Variants in JUN observed in about 807,000 individuals in gnomAD.
JUN encodes the protein transcription factor Jun.
A neutral mutation model predicts 19.7 loss-of-function variants in JUN; 7 were observed. The observed-to-expected ratio is 0.36, with a 90% CI of 0.20 to 0.67. JUN has a LOEUF of 0.67. JUN is among the 30% of genes least tolerant of loss of function. The pLI is 0.64. For synonymous variants in JUN, 246 were observed against 206.9 expected (o/e 1.19, Z -1.62); for missense variants, 373 against 451.0 (o/e 0.83, Z 1.57).
rs1264377564 is a variant in JUN, at chr1:58,780,988, GCACATGC to G, written c.*1080_*1086del. ...TCTACTAACATTATAAATGGTCACA[GCACATGC>G]CACTTGATACAATCCAAACTTTGAA... On this transcript the variant is annotated 3_prime_UTR_variant, in exon 1 of 1. Coordinates refer to ENST00000371222, the MANE Select transcript of JUN (RefSeq NM_002228.4). 1 of 232,972 alleles carries G rather than the reference GCACATGC, an allele frequency of 4.3e-6. No homozygotes were observed. Among genetic ancestry groups the G allele is most frequent in the Non-Finnish European group, 8.5e-6 (1 of 117,972 alleles). 14.4% of individuals were successfully genotyped at this position (232,972 alleles called of 1,614,324 possible). A position where few individuals can be genotyped will look rare whatever the true frequency, so the allele number is the denominator to read the frequency against.
chr1:58,781,047 C>G lies in JUN; in HGVS notation c.*1028G>C, dbSNP rs1355731687. 1 of 233,076 alleles carries G rather than the reference C, an allele frequency of 4.3e-6. No homozygotes were observed. Among genetic ancestry groups the G allele is most frequent in the Non-Finnish European group, 8.5e-6 (1 of 118,026 alleles). The allele number at this position is 233,076 out of a possible 1,614,324, so 14.4% of individuals were successfully genotyped here. On this transcript the variant is annotated 3_prime_UTR_variant, in exon 1 of 1. Coordinates refer to ENST00000371222, the MANE Select transcript of JUN (RefSeq NM_002228.4). ...TGTTTGACTTCTCAGTGGGCTGTCC[C>G]TCTCCACTGCAACCCCCCTTCCTCC...
rs779848109 is a variant in JUN, at chr1:58,783,018, A to G, written c.53T>C (p.Phe18Ser). 6 of 1,613,976 alleles carry G rather than the reference A, an allele frequency of 3.7e-6. No individual in the cohort carries two copies. The highest frequency in any genetic ancestry group is 1.3e-5 in the African/African-American group (1 of 74,886). The change falls in exon 1 of 1, where the codon TTC becomes TCC. Residue 18 changes from phenylalanine to serine, a missense_variant. Phe to Ser is a radical substitution (Grantham distance 155). Around this residue, in one of 4 missense-constraint regions of JUN, gnomAD observed 113 missense variants for 136.9 expected, o/e 0.83. Transcript: ENST00000371222. ...ATAAGGTCCGCTCTCGGACGGGAGG[A>G]ACGAGGCGTTGAGGGCATCGTCATA... ...TFYDDALNAS[F>S]LPSESGPYGY...
rs1258193972 is a variant in JUN at position 58,782,306 on chromosome 1, C to T, written c.765G>A (p.Ala255=). ...TGCGGTTCCTCATGCGCTTCCTCTC[C>T]GCCTTGATCCGCTCCTGGGACTCCA... is the stretch of plus-strand genomic sequence containing the variant. ...IDMESQERIK[A]ERKRMRNRIA... Residue 255 remains alanine, a synonymous_variant, in exon 1 of 1, where the codon GCG becomes GCA. Transcript: ENST00000371222. The surrounding 1 kb of genome is among the most constrained non-coding windows in gnomAD (Gnocchi z 8.7). 3 of 1,614,152 alleles carry T rather than the reference C, an allele frequency of 1.9e-6. No homozygotes were observed. Among genetic ancestry groups the T allele is most frequent in the Non-Finnish European group, 1.7e-6 (2 of 1,180,050 alleles).
rs1645570172 is a variant in JUN at position 58,780,944 on chromosome 1, A to G, written c.*1131T>C. On this transcript the variant is annotated 3_prime_UTR_variant, in exon 1 of 1. Coordinates refer to ENST00000371222, the MANE Select transcript of JUN (RefSeq NM_002228.4). ...TGCCACCAATTCCTGCTTTGAGAATAAGCACCTATTGTAAAATTTCTACTA... is the reference window on the plus strand; with the variant it reads ...TGCCACCAATTCCTGCTTTGAGAATGAGCACCTATTGTAAAATTTCTACTA... The G allele has an allele frequency of 4.3e-6, 1 of 233,086 alleles. No homozygotes were observed. Among genetic ancestry groups the G allele is most frequent in the South Asian group, 1.8e-4 (1 of 5,534 alleles). The allele number at this position is 233,086 out of a possible 1,614,324, so 14.4% of individuals were successfully genotyped here. A position where few individuals can be genotyped will look rare whatever the true frequency, so the allele number is the denominator to read the frequency against.
At position 58,782,449 on chromosome 1, in the gene JUN, G is replaced by C. The variant is rs774939641; in HGVS notation, c.622C>G (p.Pro208Ala). 8.1e-6 allele frequency: 13 copies of C among 1,598,216 alleles called. No homozygotes were observed. Among genetic ancestry groups the C allele is most frequent in the Admixed American group, 1.7e-5 (1 of 58,232 alleles). Residue 208 changes from proline (P) to alanine (A), a missense_variant, in exon 1 of 1, where the codon CCG becomes GCG. By Grantham distance (27) the Pro-to-Ala change is conservative. Around this residue, in one of 4 missense-constraint regions of JUN, gnomAD observed 173 missense variants for 154.5 expected, o/e 1.12. Coordinates refer to ENST00000371222, the MANE Select transcript of JUN (RefSeq NM_002228.4). The surrounding 1 kb of genome is among the most constrained non-coding windows in gnomAD (Gnocchi z 8.7). ...GGCATCTGCTGGGGCAGGTGGTGCG[G>C]CGGCTGCTGCTGCTGCTGGGGTTGC... ...PAQPQQQQQP[P>A]HHLPQQMPVQ...
Position 58,782,448 on chromosome 1 carries a change from G to T in JUN, c.623C>A (p.Pro208Gln), listed in dbSNP as rs1557559771. 1 of 1,598,256 alleles carries T rather than the reference G, an allele frequency of 6.3e-7. No individual in the cohort carries two copies. Among genetic ancestry groups the T allele is most frequent in the Non-Finnish European group, 8.5e-7 (1 of 1,174,654 alleles). ...GGGCATCTGCTGGGGCAGGTGGTGC[G>T]GCGGCTGCTGCTGCTGCTGGGGTTG... ...PAQPQQQQQP[P>Q]HHLPQQMPVQ... The change falls in exon 1 of 1, where the codon CCG becomes CAG. Residue 208 changes from proline (P) to glutamine (Q), a missense_variant. Physicochemically the swap from Pro to Gln is moderately conservative, Grantham distance 76. Coordinates refer to ENST00000371222, the MANE Select transcript of JUN (RefSeq NM_002228.4). This position sits in a 1 kb window ranked among gnomAD's most constrained non-coding sequence, Gnocchi z 8.7.
chr1:58,782,870 C>A lies in JUN; in HGVS notation c.201G>T (p.Gly67=), dbSNP rs1645587806. Residue 67 remains glycine (G), a synonymous_variant, in exon 1 of 1, where the codon GGG becomes GGT. Transcript: ENST00000371222. This position sits in a 1 kb window ranked among gnomAD's most constrained non-coding sequence, Gnocchi z 8.7. Reference sequence around the variant, plus strand: ...GCTCGGGCGACGCCAGCTTGAGCAGCCCCACGTCGGGCGAGGTGAGGAGGT... The same window carrying A: ...GCTCGGGCGACGCCAGCTTGAGCAGACCCACGTCGGGCGAGGTGAGGAGGT... ...NSDLLTSPDV[G]LLKLASPELE... is the part of the protein sequence containing the mutation. The A allele has an allele frequency of 1.2e-6, 2 of 1,614,166 alleles. No individual in the cohort carries two copies. Among genetic ancestry groups the A allele is most frequent in the Non-Finnish European group, 1.7e-6 (2 of 1,180,032 alleles).
In JUN at chr1:58,783,692, ACTT is replaced by A. The variant is rs1557560872; in HGVS notation, c.-625_-623del. The A allele has an allele frequency of 4.0e-6, 1 of 246,968 alleles. No homozygotes were observed. Among genetic ancestry groups the A allele is most frequent in the Non-Finnish European group, 8.5e-6 (1 of 117,850 alleles). 15.3% of individuals were successfully genotyped at this position (246,968 alleles called of 1,614,324 possible). ...CAAAAGTTGGCTCCGGGACTCTGCC[ACTT>A]GTCTCCGGTCCTCCCAGCCGGGAAA... On this transcript the variant is annotated 5_prime_UTR_variant, in exon 1 of 1. Coordinates refer to ENST00000371222, the MANE Select transcript of JUN (RefSeq NM_002228.4).
At position 58,781,295 on chromosome 1, in the gene JUN, T is replaced by A; in HGVS notation, c.*780A>T. 4.3e-6 allele frequency: 1 copy of A among 232,650 alleles called. No individual in the cohort carries two copies. Among genetic ancestry groups the A allele is most frequent in the Non-Finnish European group, 8.5e-6 (1 of 117,430 alleles). The allele number at this position is 232,650 out of a possible 1,614,324, so 14.4% of individuals were successfully genotyped here. On this transcript the variant is annotated 3_prime_UTR_variant, in exon 1 of 1. Coordinates refer to ENST00000371222, the MANE Select transcript of JUN (RefSeq NM_002228.4). ...CACCTAGATAGCTAGTATCTACAGATGATGCAGAAAAGAGGTTAGGGGAGT... is the reference window on the plus strand; with the variant it reads ...CACCTAGATAGCTAGTATCTACAGAAGATGCAGAAAAGAGGTTAGGGGAGT...
chr1:58,782,548 T>C lies in JUN; in HGVS notation c.523A>G (p.Asn175Asp), dbSNP rs767378953. The C allele has an allele frequency of 6.1e-5, 96 of 1,582,484 alleles. No individual in the cohort carries two copies. The highest frequency in any genetic ancestry group is 7.8e-5 in the Non-Finnish European group (91 of 1,171,220). Reference protein sequence around the residue: ...SEPPVYANLSNFNPGALSSGG... With the variant: ...SEPPVYANLSDFNPGALSSGG... The stretch of plus-strand genomic sequence containing the variant: ...CTGCTCAGCGCGCCTGGGTTGAAGT[T>C]GCTGAGGTTTGCGTAGACCGGCGGC... Residue 175 changes from asparagine (N) to aspartate (D), a missense_variant, in exon 1 of 1, where the codon AAC becomes GAC. Physicochemically the swap from Asn to Asp is conservative, Grantham distance 23. Coordinates refer to ENST00000371222, the MANE Select transcript of JUN (RefSeq NM_002228.4). This position sits in a 1 kb window ranked among gnomAD's most constrained non-coding sequence, Gnocchi z 8.7.
chr1:58,783,436 G>T lies in JUN; in HGVS notation c.-366C>A. 3.8e-6 allele frequency: 1 copy of T among 263,358 alleles called. No homozygotes were observed. 16.3% of individuals were successfully genotyped at this position (263,358 alleles called of 1,614,324 possible). A position where few individuals can be genotyped will look rare whatever the true frequency, so the allele number is the denominator to read the frequency against. Reference sequence around the variant, plus strand: ...CTCTCCCCGCGGAGCGGATCAGTGCGGACCCTGCAGTGGCCGGCCGGCGGC... The same window carrying T: ...CTCTCCCCGCGGAGCGGATCAGTGCTGACCCTGCAGTGGCCGGCCGGCGGC... On this transcript the variant is annotated 5_prime_UTR_variant, in exon 1 of 1. Coordinates refer to ENST00000371222, the MANE Select transcript of JUN (RefSeq NM_002228.4).
chr1:58,782,516 G>C lies in JUN; in HGVS notation c.555C>G (p.Gly185=), dbSNP rs1569897199. Residue 185 remains glycine, a synonymous_variant, in exon 1 of 1, where the codon GGC becomes GGG. Transcript: ENST00000371222. The surrounding 1 kb of genome is among the most constrained non-coding windows in gnomAD (Gnocchi z 8.7). Reference sequence around the variant, plus strand: ...CGGCCGCGCCGTAGGAGGGCGCCCCGCCGCCGCTGCTCAGCGCGCCTGGGT... The same window carrying C: ...CGGCCGCGCCGTAGGAGGGCGCCCCCCCGCCGCTGCTCAGCGCGCCTGGGT... The part of the protein sequence containing the change: ...NFNPGALSSG[G]GAPSYGAAGL... The C allele has an allele frequency of 1.3e-6, 2 of 1,570,598 alleles. No homozygotes were observed. Among genetic ancestry groups the C allele is most frequent in the Non-Finnish European group, 1.7e-6 (2 of 1,164,586 alleles).
chr1:58,782,531 C>A lies in JUN; in HGVS notation c.540G>T (p.Ala180=), dbSNP rs550721863. 6.3e-6 allele frequency: 10 copies of A among 1,575,986 alleles called. No homozygotes were observed. The South Asian group carries it at 9.0e-5, about 14-fold the overall frequency. ...YANLSNFNPG[A]LSSGGGAPSY... is the part of the protein sequence containing the mutation. Reference sequence around the variant, plus strand: ...AGGGCGCCCCGCCGCCGCTGCTCAGCGCGCCTGGGTTGAAGTTGCTGAGGT... The same window carrying A: ...AGGGCGCCCCGCCGCCGCTGCTCAGAGCGCCTGGGTTGAAGTTGCTGAGGT... The change falls in exon 1 of 1, where the codon GCG becomes GCT. Residue 180 remains alanine, a synonymous_variant. Transcript: ENST00000371222. This position sits in a 1 kb window ranked among gnomAD's most constrained non-coding sequence, Gnocchi z 8.7.
At position 58,783,944 on chromosome 1, in the gene JUN, T is replaced by A. The variant is rs953388078; in HGVS notation, c.-874A>T. ...AGAAAATAAGATTTGCAGTTCGGAC[T>A]ATACTGCCGACCTGGCTGGCTGGCT... On this transcript the variant is annotated 5_prime_UTR_variant, in exon 1 of 1. Coordinates refer to ENST00000371222, the MANE Select transcript of JUN (RefSeq NM_002228.4). 1 of 248,644 alleles carries A rather than the reference T, an allele frequency of 4.0e-6. No homozygotes were observed. Among genetic ancestry groups the A allele is most frequent in the East Asian group, 6.0e-5 (1 of 16,618 alleles). The allele number at this position is 248,644 out of a possible 1,614,324, so 15.4% of individuals were successfully genotyped here. A position where few individuals can be genotyped will look rare whatever the true frequency, so the allele number is the denominator to read the frequency against.
Position 58,782,408 on chromosome 1 carries a change from C to T in JUN, c.663G>A (p.Arg221=), listed in dbSNP as rs1358179042. 1.2e-6 allele frequency: 2 copies of T among 1,609,888 alleles called. No individual in the cohort carries two copies. The highest frequency in any genetic ancestry group is 8.5e-7 in the Non-Finnish European group (1 of 1,177,952). Residue 221 remains arginine (R), a synonymous_variant, in exon 1 of 1, where the codon CGG becomes CGA. Coordinates refer to ENST00000371222, the MANE Select transcript of JUN (RefSeq NM_002228.4). This position sits in a 1 kb window ranked among gnomAD's most constrained non-coding sequence, Gnocchi z 8.7. ...LPQQMPVQHP[R]LQALKEEPQT... The stretch of plus-strand genomic sequence containing the variant: ...GAGGCTCCTCCTTCAGGGCCTGCAG[C>T]CGCGGGTGCTGCACGGGCATCTGCT...
In JUN at chr1:58,782,586, C is replaced by T; in HGVS notation, c.485G>A (p.Ser162Asn). 1 of 1,578,786 alleles carries T rather than the reference C, an allele frequency of 6.3e-7. No individual in the cohort carries two copies. Among genetic ancestry groups the T allele is most frequent in the Non-Finnish European group, 8.5e-7 (1 of 1,170,798 alleles). ...GGSGSGGFSA[S>N]LHSEPPVYAN... Reference sequence around the variant, plus strand: ...GTAGACCGGCGGCTCGCTGTGCAGGCTGGCGCTGAAGCCGCCGCTGCCGCT... The same window carrying T: ...GTAGACCGGCGGCTCGCTGTGCAGGTTGGCGCTGAAGCCGCCGCTGCCGCT... Residue 162 changes from serine (S) to asparagine (N), a missense_variant, in exon 1 of 1, where the codon AGC (serine) becomes AAC (asparagine). Physicochemically the swap from Ser to Asn is conservative, Grantham distance 46 (BLOSUM62 1). Transcript: ENST00000371222. The surrounding 1 kb of genome is among the most constrained non-coding windows in gnomAD (Gnocchi z 8.7).
chr1:58,783,760 G>A lies in JUN; in HGVS notation c.-690C>T, dbSNP rs1645597505. The A allele has an allele frequency of 8.1e-6, 2 of 247,874 alleles. No homozygotes were observed. The highest frequency in any genetic ancestry group is 1.7e-5 in the Non-Finnish European group (2 of 118,052). The allele number at this position is 247,874 out of a possible 1,614,324, so 15.4% of individuals were successfully genotyped here. A position where few individuals can be genotyped will look rare whatever the true frequency, so the allele number is the denominator to read the frequency against. On this transcript the variant is annotated 5_prime_UTR_variant, in exon 1 of 1. Coordinates refer to ENST00000371222, the MANE Select transcript of JUN (RefSeq NM_002228.4). The stretch of plus-strand genomic sequence containing the variant: ...CAGCCGCTCGCCGACTTCCCCCGGC[G>A]GGCGCGTGGGTACCGCTGCTTTCCG...
At position 58,782,347 on chromosome 1, in the gene JUN, G is replaced by A; in HGVS notation, c.724C>T (p.Leu242=). ...VPEMPGETPP[L]SPIDMESQER... Reference sequence around the variant, plus strand: ...TGGGACTCCATGTCGATGGGGGACAGGGGCGGTGTCTCGCCGGGCATCTCG... The same window carrying A: ...TGGGACTCCATGTCGATGGGGGACAAGGGCGGTGTCTCGCCGGGCATCTCG... Residue 242 remains leucine, a synonymous_variant, in exon 1 of 1, where the codon CTG becomes TTG. Coordinates refer to ENST00000371222, the MANE Select transcript of JUN (RefSeq NM_002228.4). This position sits in a 1 kb window ranked among gnomAD's most constrained non-coding sequence, Gnocchi z 8.7. The A allele has an allele frequency of 6.2e-7, 1 of 1,614,086 alleles. No individual in the cohort carries two copies. Among genetic ancestry groups the A allele is most frequent in the Non-Finnish European group, 8.5e-7 (1 of 1,179,908 alleles).
chr1:58,782,431 G>A lies in JUN; in HGVS notation c.640C>T (p.Gln214Ter), dbSNP rs2100739043. The A allele has an allele frequency of 6.2e-7, 1 of 1,605,958 alleles. No individual in the cohort carries two copies. Among genetic ancestry groups the A allele is most frequent in the Non-Finnish European group, 8.5e-7 (1 of 1,176,886 alleles). ...QQQPPHHLPQ[Q>*]MPVQHPRLQA... ...AGCCGCGGGTGCTGCACGGGCATCT[G>A]CTGGGGCAGGTGGTGCGGCGGCTGC... The change falls in exon 1 of 1, where the codon CAG (glutamine) becomes TAG (stop). Residue 214 changes from glutamine (Q) to a stop codon, truncating the protein, a stop_gained. Coordinates refer to ENST00000371222, the MANE Select transcript of JUN (RefSeq NM_002228.4). LOFTEE classifies it high-confidence loss of function. The surrounding 1 kb of genome is among the most constrained non-coding windows in gnomAD (Gnocchi z 8.7).
Sources: gnomAD v4.1 joint callset for allele counts on GRCh38, gnomAD v4.1.1 for gene constraint, gnomAD v4.1.1 regional missense constraint, Gnocchi (gnomAD v3.1) non-coding constraint, MANE v1.5 for transcripts, NCBI Gene and HGNC (gene_info 2026-07-23, HGNC 2026-07-21) for gene names.